Variants in PLIN5 observed in about 807,000 individuals in gnomAD.
The protein encoded by PLIN5 is perilipin 5.
PLIN5 carries 34 observed loss-of-function variants against 32.8 expected under a neutral mutation model. The observed-to-expected ratio is 1.04, with a 90% confidence interval of 0.79 to 1.38. The LOEUF is 1.38. Ranked by LOEUF, PLIN5 falls within the 40% of genes most tolerant of loss-of-function variation. The pLI is 0.00. For missense variants in PLIN5, 712 were observed against 660.5 expected (o/e 1.08, Z -0.85); for synonymous variants, 309 against 292.9 (o/e 1.05, Z -0.56).
At position 4,523,852 on chromosome 19, in the gene PLIN5, G is replaced by A. The variant is rs942351561; in HGVS notation, c.1068C>T (p.Ala356=). 2 of 1,565,858 alleles carry A rather than the reference G, an allele frequency of 1.3e-6. No individual in the cohort carries two copies. Among genetic ancestry groups the A allele is most frequent in the African/African-American group, 1.4e-5 (1 of 72,878 alleles). Residue 356 remains alanine, a synonymous_variant, in exon 8 of 8, where the codon GCC becomes GCT. Coordinates refer to ENST00000381848, the MANE Select transcript of PLIN5 (RefSeq NM_001013706.3). This position sits in a 1 kb window ranked among gnomAD's most constrained non-coding sequence, Gnocchi z 5.0. Reference sequence around the variant, plus strand: ...CCAGCTCCAGCAGCTCGTCCACGCAGGCGTGCGCGTGGGCCACGCGACCCC... The same window carrying A: ...CCAGCTCCAGCAGCTCGTCCACGCAAGCGTGCGCGTGGGCCACGCGACCCC... ...EGRGRVAHAH[A]CVDELLELVV...
At chr19:4,533,709 C>T (rs748922305) in intron 2 of PLIN5, 14 of 512,644 alleles carry the variant, frequency 2.7e-5, no homozygotes, top group East Asian at 1.2e-4. Context: ...TTACTGAGGG[C>T]GCCATGATGG....
At chr19:4,524,880 G>T in intron 7 of PLIN5, 83 bp downstream of exon 7, 1 of 1,237,624 alleles carries the variant, frequency 8.1e-7, no homozygotes, top group Non-Finnish European at 1.1e-6. Context: ...GCAGTACTGG[G>T]CTGACCCGCA....
chr19:4,531,006 C>CTTT (rs1205645710), intron 3 of PLIN5, among the ~76,000 whole-genome samples: 1 of 135,946 alleles, frequency 7.4e-6, no homozygotes, highest in African/African-American at 2.7e-5. Flanking sequence ...TTTGTTTTTG[C>CTTT]TTTTTTTTTT....
chr19:4,531,582 G>T (rs1312763710), intron 3 of PLIN5, 45 bp downstream of exon 3: 7 of 1,457,284 alleles, frequency 4.8e-6, no homozygotes, highest in Non-Finnish European at 6.4e-6. Context: ...GGCGGTGGGG[G>T]GGTGGCAAGC....
At chr19:4,531,961 G>T in intron 2 of PLIN5, 139 bp from the exon 3 acceptor site, 1 of 835,704 alleles carries the variant, frequency 1.2e-6, no homozygotes, top group Non-Finnish European at 1.7e-6. Context: ...CCACGTAGAG[G>T]CAGTGAAGAT....
chr19:4,523,837 C>T lies in PLIN5; in HGVS notation c.1083G>A (p.Leu361=), dbSNP rs1216762585. 1.1e-5 allele frequency: 18 copies of T among 1,588,016 alleles called. No homozygotes were observed. Among genetic ancestry groups the T allele is most frequent in the Non-Finnish European group, 1.4e-5 (16 of 1,174,862 alleles). Residue 361 remains leucine (L), a synonymous_variant, in exon 8 of 8, where the codon CTG becomes CTA. Coordinates refer to ENST00000381848, the MANE Select transcript of PLIN5 (RefSeq NM_001013706.3). The surrounding 1 kb of genome is among the most constrained non-coding windows in gnomAD (Gnocchi z 5.0). The part of the protein sequence containing the change: ...VAHAHACVDE[L]LELVVQAVPL... ...GCACGGCCTGCACCACCAGCTCCAG[C>T]AGCTCGTCCACGCAGGCGTGCGCGT...
rs1976848072 is a variant in PLIN5 at position 4,529,269 on chromosome 19, C to T, written c.340-16G>A. 6.3e-7 allele frequency: 1 copy of T among 1,585,582 alleles called. No homozygotes were observed. The highest frequency in any genetic ancestry group is 8.6e-7 in the Non-Finnish European group (1 of 1,163,262). ...AGGTCACCACCTGGAAGGAAGGGCC[C>T]CCCCACTCCAGGCACCGTGGGACTC... On this transcript the variant is annotated splice_polypyrimidine_tract_variant and intron_variant, in intron 4 of 7. Transcript: ENST00000381848.
chr19:4,534,948 G>A (rs1160717642), intron 1 of PLIN5, among the ~76,000 whole-genome samples: 2 of 152,208 alleles, frequency 1.3e-5, no homozygotes, highest in African/African-American at 4.8e-5. Flanking sequence ...CAGACCTGCC[G>A]CCTGCGATCC....
chr19:4,531,765 AGACCGCG>A lies in PLIN5; in HGVS notation c.111_117del (p.Val39MetfsTer27). The A allele has an allele frequency of 6.3e-7, 1 of 1,598,654 alleles. No individual in the cohort carries two copies. Among genetic ancestry groups the A allele is most frequent in the Non-Finnish European group, 8.5e-7 (1 of 1,174,916 alleles). ...TCCTTGGCTGCACTGTAAACATCGC[AGACCGCG>A]GTGCACGTGGCCCTGACCAGGGGCA... is the stretch of plus-strand genomic sequence containing the variant. On this transcript the variant is annotated frameshift_variant, in exon 3 of 8. Transcript: ENST00000381848. LOFTEE classifies it high-confidence loss of function.
At position 4,524,945 on chromosome 19, in the gene PLIN5, G is replaced by C; in HGVS notation, c.834+18C>G. On this transcript the variant is annotated intron_variant, in intron 7 of 7. Coordinates refer to ENST00000381848, the MANE Select transcript of PLIN5 (RefSeq NM_001013706.3). Reference sequence around the variant, plus strand: ...CTGGTGGCAGACACCACCTCACCTGGCACTCCTGCGGTCTCACCTGGCTCC... The same window carrying C: ...CTGGTGGCAGACACCACCTCACCTGCCACTCCTGCGGTCTCACCTGGCTCC... 9 of 1,523,402 alleles carry C rather than the reference G, an allele frequency of 5.9e-6. No homozygotes were observed. The highest frequency in any genetic ancestry group is 2.3e-4 in the Middle Eastern group (1 of 4,298). The allele number at this position is 1,523,402 out of a possible 1,614,324, so 94.4% of individuals were successfully genotyped here. A position where few individuals can be genotyped will look rare whatever the true frequency, so the allele number is the denominator to read the frequency against.
chr19:4,533,871 C>T (rs1458100767), intron 2 of PLIN5, 144 bp downstream of exon 2: 1 of 941,808 alleles, frequency 1.1e-6, no homozygotes, highest in East Asian at 2.6e-5. Flanking sequence ...TAGACCATCC[C>T]CTCCATGGAC....
chr19:4,525,584 A>T lies in PLIN5; in HGVS notation c.720+49T>A. ...CCGGTATTCAGCTGGTGCTCAATCC[A>T]TACTGATTGGCCTGCATCCCGGAGC... is the stretch of plus-strand genomic sequence containing the variant. On this transcript the variant is annotated intron_variant, in intron 6 of 7. Coordinates refer to ENST00000381848, the MANE Select transcript of PLIN5 (RefSeq NM_001013706.3). The surrounding 1 kb of genome is among the most constrained non-coding windows in gnomAD (Gnocchi z 5.6). The T allele has an allele frequency of 6.3e-7, 1 of 1,599,316 alleles. No individual in the cohort carries two copies. The highest frequency in any genetic ancestry group is 1.1e-5 in the South Asian group (1 of 90,912).
rs370914998 is a variant in PLIN5, at chr19:4,531,718, G to A, written c.165C>T (p.Ser55=). 2.8e-5 allele frequency: 45 copies of A among 1,588,756 alleles called. No individual in the cohort carries two copies. Among genetic ancestry groups the A allele is most frequent in the East Asian group, 4.6e-5 (2 of 43,458 alleles). ...CGCAGTTCTCAGCCAGGCGGCAGGCGGAGCCCAGCAGCGGGTGCCTGTCCT... is the reference window on the plus strand; with the variant it reads ...CGCAGTTCTCAGCCAGGCGGCAGGCAGAGCCCAGCAGCGGGTGCCTGTCCT... ...AAKDRHPLLG[S]ACRLAENCVC... The change falls in exon 3 of 8, where the codon TCC becomes TCT. Residue 55 remains serine (S), a synonymous_variant. Transcript: ENST00000381848.
At position 4,525,431 on chromosome 19, in the gene PLIN5, T is replaced by G. The variant is rs1976788288; in HGVS notation, c.720+202A>C. 6.6e-6 allele frequency among the ~76,000 whole-genome samples: 1 copy of G among 152,020 alleles called. No individual in the cohort carries two copies. The highest frequency in any genetic ancestry group is 6.6e-5 in the Admixed American group (1 of 15,266). On this transcript the variant is annotated intron_variant, in intron 6 of 7. Transcript: ENST00000381848. The surrounding 1 kb of genome is among the most constrained non-coding windows in gnomAD (Gnocchi z 5.6). Reference sequence around the variant, plus strand: ...TCCTTCCCCTCTTCCACAAAACCCCTCCCTGACTCTCCAGGCAGAGCCATG... The same window carrying G: ...TCCTTCCCCTCTTCCACAAAACCCCGCCCTGACTCTCCAGGCAGAGCCATG...
chr19:4,528,885 T>C (rs1228647306), intron 5 of PLIN5, 188 bp downstream of exon 5: 6 of 581,034 alleles, frequency 1.0e-5, no homozygotes, highest in Non-Finnish European at 1.7e-5. Context: ...GTGTTCTGAC[T>C]CCTGGCGGGA....
At chr19:4,529,014 C>T (rs1976842855) in intron 5 of PLIN5, 59 bp downstream of exon 5, 4 of 1,557,064 alleles carry the variant, frequency 2.6e-6, no homozygotes, top group Non-Finnish European at 3.5e-6. Flanking sequence ...CTGATCTGTA[C>T]CACAGGGGAT....
intron 5 of PLIN5, among the ~76,000 whole-genome samples, chr19:4,527,621 T>C (rs1368604490): frequency 7.0e-6 from 1 of 143,156 alleles, no homozygotes; most frequent in Non-Finnish European, 1.5e-5. Context: ...CTTTGGGAAG[T>C]CAAGGCAGGT....
chr19:4,528,208 C>T (rs746514481), intron 5 of PLIN5, among the ~76,000 whole-genome samples: 10 of 151,708 alleles, frequency 6.6e-5, no homozygotes, highest in Non-Finnish European at 8.8e-5. Flanking sequence ...CGTGCCCGGC[C>T]GCCTCCCTGC....
chr19:4,527,413 C>A (rs1033314072), intron 5 of PLIN5, among the ~76,000 whole-genome samples: 1 of 151,716 alleles, frequency 6.6e-6, no homozygotes, highest in Non-Finnish European at 1.5e-5. Flanking sequence ...GTGGTGTGCA[C>A]CTCTAGTTCC....
Sources: gnomAD v4.1 joint callset for allele counts (sites outside exome capture counted in the v4.1 genomes callset) on GRCh38, gnomAD v4.1.1 for gene constraint, Gnocchi (gnomAD v3.1) non-coding constraint, MANE v1.5 for transcripts, NCBI Gene and HGNC (gene_info 2026-07-23, HGNC 2026-07-21) for gene names.